The following MRE11 variants were observed in gnomAD, a reference collection of about 807,000 sequenced individuals.
MRE11 encodes MRE11 double strand break repair nuclease.
In MRE11, 62 loss-of-function variants were observed where a neutral mutation model predicts 91.7. The observed-to-expected ratio is 0.68, with a 90% CI of 0.55 to 0.84. The LOEUF (loss-of-function observed/expected upper bound fraction) is 0.84. Ranked by LOEUF, MRE11 falls within the 40% of genes least tolerant of loss-of-function variation. The pLI is 0.00. For missense variants in MRE11, 796 were observed against 852.9 expected (o/e 0.93, Z 0.83); for synonymous variants, 273 against 271.4 (o/e 1.01, Z -0.06).
chr11:94,498,280 G>A, upstream of MRE11: 4 of 1,614,146 alleles, frequency 2.5e-6, no homozygotes, highest in Admixed American at 3.3e-5. Flanking sequence ...ATACCAGAGT[G>A]GCTTCTTTCT....
At chr11:94,509,350 T>C in the MRE11 span, among the ~76,000 whole-genome samples, 1 of 152,228 alleles carries the variant, frequency 6.6e-6, no homozygotes, top group Non-Finnish European at 1.5e-5. Context: ...TTTTACTATA[T>C]AAAAGTAACA....
Position 94,467,006 on chromosome 11 carries a change from C to T in MRE11, c.1098+807G>A, listed in dbSNP as rs117153160. Among the ~76,000 whole-genome samples the T allele has an allele frequency of 7.2e-4, 110 of 152,196 alleles. No individual in the cohort carries two copies. The East Asian group carries it at 0.021, about 29-fold the overall frequency. On this transcript the variant is annotated intron_variant, in intron 10 of 19. Transcript: ENST00000323929. Reference sequence around the variant, plus strand: ...GGATACAAATAACTCAGAGAATGCCCAAGAGTAATTCAGCAAGATGAGACA... The same window carrying T: ...GGATACAAATAACTCAGAGAATGCCTAAGAGTAATTCAGCAAGATGAGACA...
rs559331949 is a variant in MRE11 at position 94,456,812 on chromosome 11, G to T, written c.1501-474C>A. ...TTTTATTAAGAGTCAACTCATGAAG[G>T]TTTGCTGAGCATGGTCCTGGTATCA... On this transcript the variant is annotated intron_variant, in intron 13 of 19. Coordinates refer to ENST00000323929, the MANE Select transcript of MRE11 (RefSeq NM_005591.4). Among the ~76,000 whole-genome samples the T allele has an allele frequency of 2.6e-5, 4 of 152,264 alleles. No homozygotes were observed. The South Asian group carries it at 8.3e-4, about 32-fold the overall frequency.
chr11:94,510,655 G>C, the MRE11 span, among the ~76,000 whole-genome samples: 1 of 152,136 alleles, frequency 6.6e-6, no homozygotes, highest in Non-Finnish European at 1.5e-5. Flanking sequence ...TTGGACTTCT[G>C]ATAGGTGAGT....
At chr11:94,449,229 C>A (rs1173526705) in intron 14 of MRE11, among the ~76,000 whole-genome samples, 1 of 152,164 alleles carries the variant, frequency 6.6e-6, no homozygotes, top group Non-Finnish European at 1.5e-5. Context: ...ATGATCTCAG[C>A]TGAGGTGAAA....
chr11:94,465,498 C>T (rs574945354), intron 10 of MRE11, among the ~76,000 whole-genome samples: 12 of 150,978 alleles, frequency 7.9e-5, no homozygotes, highest in Admixed American at 6.6e-4. Flanking sequence ...CGGGTTCAAG[C>T]GATTCTCACG....
intron 14 of MRE11, among the ~76,000 whole-genome samples, chr11:94,448,954 TA>T (rs557516262): frequency 3.7e-4 from 57 of 152,294 alleles, no homozygotes; most frequent in Admixed American, 1.0e-3. Flanking sequence ...AGTTAATGAA[TA>T]TGATAAATAT....
rs971118173 is a variant in MRE11 at position 94,415,809 on chromosome 11, G to A, written c.*4316C>T. Reference sequence around the variant, plus strand: ...AGCTATACAATCTGGGGTTCTTATCGATTGATGGATAGATTGATTGAGACA... The same window carrying A: ...AGCTATACAATCTGGGGTTCTTATCAATTGATGGATAGATTGATTGAGACA... On this transcript the variant is annotated 3_prime_UTR_variant, in exon 20 of 20. Transcript: ENST00000323929. 2.6e-5 allele frequency: 4 copies of A among 152,124 alleles called. No individual in the cohort carries two copies. The highest frequency in any genetic ancestry group is 7.2e-5 in the African/African-American group (3 of 41,426). 9.4% of individuals were successfully genotyped at this position (152,124 alleles called of 1,614,324 possible).
At position 94,443,168 on chromosome 11, in the gene MRE11, C is replaced by T. The variant is rs182728300; in HGVS notation, c.1867+2642G>A. On this transcript the variant is annotated intron_variant, in intron 16 of 19. Transcript: ENST00000323929. ...ATACTTACTTCCAAGGCAAATTAGT[C>T]CATCTTTATATTAATTACATAGGTT... Among the ~76,000 whole-genome samples, 68 of 152,244 alleles carry T rather than the reference C, an allele frequency of 4.5e-4. 1 individual carries two copies. Among genetic ancestry groups the T allele is most frequent in the Admixed American group, 9.8e-4 (15 of 15,292 alleles).
chr11:94,485,433 G>A lies in MRE11; in HGVS notation c.314+491C>T, dbSNP rs576648821. On this transcript the variant is annotated intron_variant, in intron 4 of 19. Coordinates refer to ENST00000323929, the MANE Select transcript of MRE11 (RefSeq NM_005591.4). ...AGTCAAAAGACAAGCCATTGATTGG[G>A]AAAAAATATATGTATCACAAAGGTT... Among the ~76,000 whole-genome samples, 5 of 152,044 alleles carry A rather than the reference G, an allele frequency of 3.3e-5. 1 individual carries two copies. The South Asian group carries it at 8.3e-4, about 25-fold the overall frequency.
At chr11:94,428,729 G>A (rs1394802797) in intron 19 of MRE11, among the ~76,000 whole-genome samples, 2 of 152,060 alleles carry the variant, frequency 1.3e-5, no homozygotes, top group African/African-American at 4.8e-5. Context: ...TAGGCGTGGT[G>A]ATGCGCACCT....
Position 94,445,814 on chromosome 11 carries a change from T to G in MRE11, c.1863A>C (p.Ile621=). The change falls in exon 16 of 20, where the codon ATA becomes ATC. Residue 621 remains isoleucine (I), a synonymous_variant. Transcript: ENST00000323929. The part of the protein sequence containing the change: ...AVSASRNMSI[I]DAFKSTRQQP... ...TCACTTGCAGTCTATACTCACCATCTATAATAGACATATTTCTAGATGCTG... is the reference window on the plus strand; with the variant it reads ...TCACTTGCAGTCTATACTCACCATCGATAATAGACATATTTCTAGATGCTG... The G allele has an allele frequency of 6.2e-7, 1 of 1,606,910 alleles. No individual in the cohort carries two copies. Among genetic ancestry groups the G allele is most frequent in the African/African-American group, 1.3e-5 (1 of 74,888 alleles).
rs1805364 is a variant in MRE11, at chr11:94,490,866, G to A, written c.120C>T (p.Leu40=). 1.1e-3 allele frequency: 1,718 copies of A among 1,613,288 alleles called. 1 individual carries two copies. Among genetic ancestry groups the A allele is most frequent in the Non-Finnish European group, 1.4e-3 (1,600 of 1,179,682 alleles). ...AVRGNDTFVT[L]DEILRLAQEN... ...CCTGGGCAAGTCTTAAAATTTCATC[G>A]AGTGTTACAAACGTATCATTTCCTC... The change falls in exon 3 of 20, where the codon CTC becomes CTT. Residue 40 remains leucine (L), a synonymous_variant. Transcript: ENST00000323929.
intron 13 of MRE11, among the ~76,000 whole-genome samples, 173 bp from the exon 14 acceptor site, chr11:94,456,511 C>T (rs1381575201): frequency 9.2e-6 from 1 of 109,086 alleles, no homozygotes; most frequent in Non-Finnish European, 1.8e-5. Flanking sequence ...GCACAATGTA[C>T]TCTTAAAAAA....
At chr11:94,464,049 A>T in intron 11 of MRE11, 64 bp downstream of exon 11, 1 of 1,535,142 alleles carries the variant, frequency 6.5e-7, no homozygotes, top group Non-Finnish European at 9.0e-7. Context: ...TACAGTTTTT[A>T]ATAAAGATTC....
chr11:94,506,819 G>A, the MRE11 span, among the ~76,000 whole-genome samples: 1 of 151,960 alleles, frequency 6.6e-6, no homozygotes, highest in South Asian at 2.1e-4. Flanking sequence ...TAAACTCCTG[G>A]CCTCAAGCGA....
chr11:94,479,082 G>A (rs1243967438), intron 5 of MRE11, among the ~76,000 whole-genome samples: 1 of 152,170 alleles, frequency 6.6e-6, no homozygotes, highest in East Asian at 1.9e-4. Context: ...GGAATCACAT[G>A]CCAAAGGCAA....
intron 19 of MRE11, among the ~76,000 whole-genome samples, chr11:94,421,143 A>G (rs553358569): frequency 6.6e-6 from 1 of 152,354 alleles, no homozygotes; most frequent in Admixed American, 6.5e-5. Flanking sequence ...AATGAAAACA[A>G]ACCTCAGATA....
the MRE11 span, among the ~76,000 whole-genome samples, chr11:94,502,863 CTGGG>C: frequency 6.6e-6 from 1 of 152,070 alleles, no homozygotes; most frequent in South Asian, 2.1e-4. Flanking sequence ...TTAGTAGAGA[CTGGG>C]TTTCACTATG....
Sources: allele counts gnomAD v4.1 joint callset (sites outside exome capture counted in the v4.1 genomes callset), GRCh38; gene constraint gnomAD v4.1.1; transcripts MANE v1.5; gene names NCBI Gene and HGNC (gene_info 2026-07-23, HGNC 2026-07-21).